Variants in DEPDC5 observed in about 807,000 individuals in gnomAD.
DEPDC5 encodes DEP domain containing 5, GATOR1 subcomplex subunit.
A neutral mutation model predicts 217.3 loss-of-function variants in DEPDC5; 73 were observed. The observed-to-expected ratio is 0.34, with a 90% CI of 0.28 to 0.41. DEPDC5 has a LOEUF of 0.41. DEPDC5 is among the 10% of genes least tolerant of loss of function. DEPDC5 has a pLI of 1.00. For synonymous variants in DEPDC5, 733 were observed against 756.7 expected (o/e 0.97, Z 0.51); for missense variants, 1,675 against 2,070.1 (o/e 0.81, Z 3.70).
intron 33 of DEPDC5, among the ~76,000 whole-genome samples, chr22:31,862,064 A>C (rs918652517): frequency 1.1e-4 from 17 of 151,770 alleles, no homozygotes; most frequent in Admixed American, 3.3e-4. Context: ...AACATGGAGA[A>C]ACCCCATCTC....
rs1174538326 is a variant in DEPDC5, at chr22:31,754,047, G to C, written c.-178G>C. On this transcript the variant is annotated 5_prime_UTR_variant, in exon 1 of 43. Transcript: ENST00000651528. ...CCTAGTAGGCGCTTCAGGCTTAGGG[G>C]CGGAACAGCGCGGGCCGCGCGGGCG... is the stretch of plus-strand genomic sequence containing the variant. 1.5e-3 allele frequency: 2 copies of C among 1,296 alleles called. No individual in the cohort carries two copies. The highest frequency in any genetic ancestry group is 1.9e-3 in the Non-Finnish European group (2 of 1,068). The allele number at this position is 1,296 out of a possible 1,614,324, so 0.1% of individuals were successfully genotyped here. A position where few individuals can be genotyped will look rare whatever the true frequency, so the allele number is the denominator to read the frequency against.
intron 31 of DEPDC5, among the ~76,000 whole-genome samples, chr22:31,847,389 C>T (rs2149041779): frequency 1.3e-5 from 2 of 151,322 alleles, no homozygotes; most frequent in South Asian, 4.2e-4. Context: ...GTATATTAGT[C>T]CATTCTCACA....
chr22:31,762,556 G>A (rs1402753837), intron 4 of DEPDC5, among the ~76,000 whole-genome samples: 1 of 152,164 alleles, frequency 6.6e-6, no homozygotes, highest in African/African-American at 2.4e-5. Flanking sequence ...CTGAGGTCAG[G>A]AGTTTGAGAC....
intron 16 of DEPDC5, 79 bp downstream of exon 16, chr22:31,804,302 T>C: frequency 5.7e-6 from 8 of 1,398,736 alleles, no homozygotes; most frequent in South Asian, 4.7e-5. Flanking sequence ...CGCTGTGGCA[T>C]GCACTTATAG....
At chr22:31,754,608 C>T (rs1284499638) in intron 1 of DEPDC5, among the ~76,000 whole-genome samples, 1 of 152,204 alleles carries the variant, frequency 6.6e-6, no homozygotes, top group Admixed American at 6.5e-5. Flanking sequence ...GCAATGCTTC[C>T]CCTATGGGGG....
chr22:31,843,155 C>A lies in DEPDC5; in HGVS notation c.2576C>A (p.Thr859Lys), dbSNP rs200744555. ...EDQYWLSMGRTFHKVTLKDKM... is the reference protein window; with the variant it reads ...EDQYWLSMGRKFHKVTLKDKM... ...CAGTATTGGCTGAGTATGGGCAGAACGTTCCACAAAGTGACGCTGAAGGAT... is the reference window on the plus strand; with the variant it reads ...CAGTATTGGCTGAGTATGGGCAGAAAGTTCCACAAAGTGACGCTGAAGGAT... Residue 859 changes from threonine to lysine, a missense_variant, in exon 28 of 43, where the codon ACG becomes AAG. By Grantham distance (78) the Thr-to-Lys change is moderately conservative. Transcript: ENST00000651528. 6.2e-7 allele frequency: 1 copy of A among 1,614,154 alleles called. No individual in the cohort carries two copies. Among genetic ancestry groups the A allele is most frequent in the South Asian group, 1.1e-5 (1 of 91,076 alleles).
intron 31 of DEPDC5, among the ~76,000 whole-genome samples, chr22:31,849,528 C>CGATT (rs2091914485): frequency 6.6e-6 from 1 of 152,014 alleles, no homozygotes; most frequent in Non-Finnish European, 1.5e-5. Flanking sequence ...CACCTGTAAT[C>CGATT]CCAGCACTTT....
intron 20 of DEPDC5, among the ~76,000 whole-genome samples, chr22:31,813,605 C>A (rs1200646664): frequency 4.6e-5 from 7 of 151,912 alleles, no homozygotes; most frequent in Admixed American, 1.3e-4. Flanking sequence ...CTCTATAGGG[C>A]TTCTTTCTTT....
At chr22:31,816,077 A>C in intron 21 of DEPDC5, 2 of 943,486 alleles carry the variant, frequency 2.1e-6, no homozygotes, top group Non-Finnish European at 2.5e-6. Flanking sequence ...AGGCGGGTGG[A>C]TCACTTGAGG....
chr22:31,864,530 A>ATATATATATATATATATATATT (rs1372150061), intron 33 of DEPDC5, among the ~76,000 whole-genome samples: 29 of 139,030 alleles, frequency 2.1e-4, no homozygotes, highest in South Asian at 4.5e-4. Flanking sequence ...ATATATTTAT[A>ATATATATATATATATATATATT]TATTTATTTA....
chr22:31,879,201 G>T (rs998948338), intron 37 of DEPDC5, among the ~76,000 whole-genome samples: 1 of 151,316 alleles, frequency 6.6e-6, no homozygotes, highest in South Asian at 2.1e-4. Context: ...ACAGCTCAGT[G>T]CATTTAGTAC....
In DEPDC5 at chr22:31,843,179, A is replaced by T; in HGVS notation, c.2600A>T (p.Asp867Val). 1 of 1,614,190 alleles carries T rather than the reference A, an allele frequency of 6.2e-7. No individual in the cohort carries two copies. Among genetic ancestry groups the T allele is most frequent in the Non-Finnish European group, 8.5e-7 (1 of 1,180,036 alleles). Residue 867 changes from aspartate to valine, a missense_variant, in exon 28 of 43, where the codon GAT (aspartate) becomes GTT (valine). Around this residue, in one of 11 missense-constraint regions of DEPDC5, gnomAD observed 293 missense variants for 386.1 expected, o/e 0.76. Coordinates refer to ENST00000651528, the MANE Select transcript of DEPDC5 (RefSeq NM_001242896.3). ...GRTFHKVTLK[D>V]KMITVTRYLP... ...ACGTTCCACAAAGTGACGCTGAAGG[A>T]TAAGATGATCACAGTGACGCGATAC...
chr22:31,892,873 A>ATTTT (rs948740613), intron 38 of DEPDC5, among the ~76,000 whole-genome samples: 11 of 120,078 alleles, frequency 9.2e-5, no homozygotes, highest in Non-Finnish European at 1.5e-4. Flanking sequence ...TTGGTGGTGT[A>ATTTT]TTTTTTTTTT....
intron 33 of DEPDC5, among the ~76,000 whole-genome samples, chr22:31,869,610 G>A (rs1428047407): frequency 2.7e-5 from 4 of 150,356 alleles, no homozygotes; most frequent in Non-Finnish European, 4.4e-5. Flanking sequence ...TTAGCCACTA[G>A]TTGTGGAGAA....
At chr22:31,843,364 G>T in intron 28 of DEPDC5, 152 bp downstream of exon 28, 3 of 847,990 alleles carry the variant, frequency 3.5e-6, no homozygotes, top group East Asian at 2.6e-5. Flanking sequence ...GTTATTTTAG[G>T]GTTATAGCTT....
intron 8 of DEPDC5, 68 bp from the exon 9 acceptor site, chr22:31,783,839 T>C (rs879088120): frequency 1.4e-6 from 2 of 1,401,658 alleles, no homozygotes; most frequent in South Asian, 1.2e-5. Context: ...TCTTCAGAAC[T>C]TTTTCATCTT....
intron 13 of DEPDC5, among the ~76,000 whole-genome samples, chr22:31,798,347 G>T (rs571406619): frequency 6.6e-6 from 1 of 152,052 alleles, no homozygotes; most frequent in Non-Finnish European, 1.5e-5. Flanking sequence ...GTGAAACCCT[G>T]TCTCTACTAA....
intron 27 of DEPDC5, 49 bp from the exon 28 acceptor site, chr22:31,843,046 A>T: frequency 7.2e-7 from 1 of 1,389,618 alleles, no homozygotes; most frequent in Non-Finnish European, 1.0e-6. Context: ...ATTGTCTGTT[A>T]TAGGAATGAG....
chr22:31,897,670 T>A lies in DEPDC5; in HGVS notation c.4375+17T>A, dbSNP rs199566278. ...TGTTTGATAGTAAGAAATATTCCCT[T>A]CTGGAGGTTGTCTCAACCAGTAAGA... On this transcript the variant is annotated intron_variant, in intron 40 of 42. Coordinates refer to ENST00000651528, the MANE Select transcript of DEPDC5 (RefSeq NM_001242896.3). 4 of 1,612,280 alleles carry A rather than the reference T, an allele frequency of 2.5e-6. No individual in the cohort carries two copies. Among genetic ancestry groups the A allele is most frequent in the Non-Finnish European group, 3.4e-6 (4 of 1,179,032 alleles).
Sources: allele counts gnomAD v4.1 joint callset (sites outside exome capture counted in the v4.1 genomes callset), GRCh38; gene constraint gnomAD v4.1.1; regional missense constraint gnomAD v4.1.1; transcripts MANE v1.5; gene names NCBI Gene and HGNC (gene_info 2026-07-23, HGNC 2026-07-21).